CRISPLD1: variants seen among roughly 807,000 people sequenced by gnomAD.
CRISPLD1 encodes cysteine rich secretory protein LCCL domain containing 1.
CRISPLD1 carries 60 observed loss-of-function variants against 77.5 expected under a neutral mutation model. The ratio of observed to expected loss-of-function variants is 0.77; its 90% confidence interval spans 0.63 to 0.96. CRISPLD1 has a LOEUF of 0.96. CRISPLD1 is among the 40% of genes least tolerant of loss of function. The pLI, the probability that CRISPLD1 is intolerant of heterozygous loss-of-function variation, is 0.00. For missense variants in CRISPLD1, 623 were observed against 615.8 expected (o/e 1.01, Z -0.12); for synonymous variants, 195 against 200.1 (o/e 0.97, Z 0.22).
chr8:75,020,720 C>T (rs1271674619), intron 12 of CRISPLD1, among the ~76,000 whole-genome samples: 1 of 152,178 alleles, frequency 6.6e-6, no homozygotes, highest in Non-Finnish European at 1.5e-5. Flanking sequence ...CAATTTCTTA[C>T]AACAGAAACT....
At chr8:74,999,140 C>G (rs1812694358) in intron 2 of CRISPLD1, among the ~76,000 whole-genome samples, 1 of 151,998 alleles carries the variant, frequency 6.6e-6, no homozygotes, top group African/African-American at 2.4e-5. Flanking sequence ...GAACCTGAAA[C>G]TGATCTGGCA....
At chr8:75,011,991 G>C (rs17368778) in intron 2 of CRISPLD1, among the ~76,000 whole-genome samples, 3,992 of 152,168 alleles carry the variant, frequency 0.026, 64 homozygotes, top group Non-Finnish European at 0.035. Context: ...TTATAAAGCT[G>C]GATTGTGAAG....
chr8:75,005,065 A>G (rs1347492563), intron 2 of CRISPLD1, among the ~76,000 whole-genome samples: 1 of 152,158 alleles, frequency 6.6e-6, no homozygotes, highest in Non-Finnish European at 1.5e-5. Context: ...TAATTAGAAA[A>G]TCTGAAATCT....
At chr8:75,030,680 A>ATGTGTGTG (rs34737814) in intron 14 of CRISPLD1, among the ~76,000 whole-genome samples, 61 of 146,552 alleles carry the variant, frequency 4.2e-4, no homozygotes, top group African/African-American at 7.7e-4. Flanking sequence ...CCGGAGATAT[A>ATGTGTGTG]TGTGTGTGTG....
chr8:75,030,704 G>GTGTATA (rs1305597466), intron 14 of CRISPLD1, among the ~76,000 whole-genome samples: 1 of 150,332 alleles, frequency 6.7e-6, no homozygotes, highest in Non-Finnish European at 1.5e-5. Context: ...GTGTGTGTGT[G>GTGTATA]TGTATATGTA....
Position 75,014,047 on chromosome 8 carries a change from A to G in CRISPLD1, c.571A>G (p.Ile191Val), listed in dbSNP as rs778770311. Residue 191 changes from isoleucine to valine, a missense_variant, in exon 5 of 15, where the codon ATC (isoleucine) becomes GTC (valine). Transcript: ENST00000262207. The part of the protein sequence containing the change: ...CAINLCHNMN[I>V]WGQIWPKAVY... ...CATTAATTTGTGTCATAACATGAAC[A>G]TCTGGGGGCAGATATGGCCCAAAGC... is the stretch of plus-strand genomic sequence containing the variant. 2.0e-5 allele frequency: 32 copies of G among 1,613,284 alleles called. No individual in the cohort carries two copies. The East Asian group carries it at 6.7e-4, about 34-fold the overall frequency.
At chr8:75,017,281 A>G (rs1196278342) in intron 9 of CRISPLD1, 39 bp from the exon 10 acceptor site, 1 of 1,601,774 alleles carries the variant, frequency 6.2e-7, no homozygotes, top group Admixed American at 1.8e-5. Context: ...CAGAACTCTA[A>G]TATTTTTAAC....
At chr8:75,030,042 G>A (rs927182374) in intron 14 of CRISPLD1, among the ~76,000 whole-genome samples, 1 of 151,854 alleles carries the variant, frequency 6.6e-6, no homozygotes, top group Non-Finnish European at 1.5e-5. Context: ...ATATATTTTG[G>A]TGATTTGAGA....
At chr8:75,002,368 A>G (rs556604334) in intron 2 of CRISPLD1, among the ~76,000 whole-genome samples, 2 of 148,390 alleles carry the variant, frequency 1.3e-5, no homozygotes, top group South Asian at 2.2e-4. Flanking sequence ...ATTAAGATCT[A>G]GTATGTGTCA....
At chr8:74,994,595 C>A (rs534907437) in intron 2 of CRISPLD1, among the ~76,000 whole-genome samples, 3 of 152,288 alleles carry the variant, frequency 2.0e-5, no homozygotes, top group Admixed American at 2.0e-4. Flanking sequence ...CTCCTCCCTT[C>A]CTGGGATAGA....
At chr8:74,995,361 T>A (rs1284513519) in intron 2 of CRISPLD1, among the ~76,000 whole-genome samples, 1 of 152,234 alleles carries the variant, frequency 6.6e-6, no homozygotes, top group East Asian at 1.9e-4. Flanking sequence ...TACAGAAATC[T>A]GATAATACAG....
intron 2 of CRISPLD1, among the ~76,000 whole-genome samples, chr8:74,998,651 G>T (rs1417685066): frequency 7.9e-6 from 1 of 126,650 alleles, no homozygotes; most frequent in Non-Finnish European, 1.5e-5. Flanking sequence ...TCGTGCCACT[G>T]CACTCCTGCC....
intron 2 of CRISPLD1, 141 bp from the exon 3 acceptor site, chr8:75,012,290 CTT>C: frequency 1.6e-6 from 1 of 630,612 alleles, no homozygotes. Flanking sequence ...ACTTAGATGA[CTT>C]TTGAGTCTGA....
intron 13 of CRISPLD1, among the ~76,000 whole-genome samples, chr8:75,028,017 G>T (rs1423367107): frequency 1.3e-5 from 2 of 152,106 alleles, no homozygotes; most frequent in African/African-American, 2.4e-5. Flanking sequence ...TAAATACTTG[G>T]ACTTAGTAAA....
chr8:74,987,858 A>G (rs1053089910), intron 2 of CRISPLD1, among the ~76,000 whole-genome samples: 3 of 152,246 alleles, frequency 2.0e-5, no homozygotes, highest in African/African-American at 7.2e-5. Flanking sequence ...TTTAAGTAAT[A>G]TGGAAATCAT....
intron 13 of CRISPLD1, chr8:75,026,743 G>A (rs1218872254): frequency 2.0e-5 from 3 of 152,114 alleles, no homozygotes; most frequent in Non-Finnish European, 4.4e-5. Context: ...GCCTGAATAT[G>A]TACATTACCA....
intron 13 of CRISPLD1, among the ~76,000 whole-genome samples, 170 bp from the exon 14 acceptor site, chr8:75,029,217 T>C (rs941049766): frequency 5.3e-5 from 8 of 152,202 alleles, no homozygotes; most frequent in African/African-American, 1.9e-4. Flanking sequence ...GCTTTGACTT[T>C]GTGACGTTTC....
chr8:75,026,653 G>C (rs1390666469), intron 13 of CRISPLD1: 5 of 152,158 alleles, frequency 3.3e-5, no homozygotes, highest in African/African-American at 9.7e-5. Context: ...TTCTAAGCCA[G>C]AGAGTTACAA....
intron 2 of CRISPLD1, among the ~76,000 whole-genome samples, chr8:74,990,274 T>G (rs1002564372): frequency 6.6e-6 from 1 of 150,930 alleles, no homozygotes; most frequent in African/African-American, 2.5e-5. Context: ...TTATACTCCT[T>G]AAGTCTATTT....
Sources: gnomAD v4.1 joint callset for allele counts (sites outside exome capture counted in the v4.1 genomes callset) on GRCh38, gnomAD v4.1.1 for gene constraint, MANE v1.5 for transcripts, NCBI Gene and HGNC (gene_info 2026-07-23, HGNC 2026-07-21) for gene names.